The following ABCB11 variants were observed in gnomAD, a reference collection of about 807,000 sequenced individuals.
The protein encoded by ABCB11 is bile salt export pump.
Under a neutral mutation model 148.0 loss-of-function variants are expected in ABCB11, and 95 were observed. The observed-to-expected ratio is 0.64, with a 90% CI of 0.54 to 0.76. The LOEUF is 0.76. Among genes scored for constraint, ABCB11 ranks in the 30% least tolerant of loss-of-function variants. The pLI is 0.00. For missense variants in ABCB11, 1,523 were observed against 1,617.8 expected (o/e 0.94, Z 1.01); for synonymous variants, 591 against 555.4 (o/e 1.06, Z -0.90).
chr2:169,003,482 C>T (rs1370184367), intron 5 of ABCB11, among the ~76,000 whole-genome samples: 3 of 151,520 alleles, frequency 2.0e-5, no homozygotes, highest in African/African-American at 7.3e-5. Context: ...CTTATCCACT[C>T]GTTGATTGAT....
At chr2:168,996,100 AT>A (rs1261917128) in intron 6 of ABCB11, among the ~76,000 whole-genome samples, 1 of 151,746 alleles carries the variant, frequency 6.6e-6, no homozygotes, top group Non-Finnish European at 1.5e-5. Flanking sequence ...GAAGGAATTC[AT>A]TATTTTTCTA....
intron 18 of ABCB11, among the ~76,000 whole-genome samples, chr2:168,960,696 G>A (rs1256689168): frequency 6.6e-6 from 1 of 151,568 alleles, no homozygotes; most frequent in African/African-American, 2.4e-5. Context: ...CTTGAATGAT[G>A]CAAAAACTAG....
intron 5 of ABCB11, among the ~76,000 whole-genome samples, chr2:169,007,101 C>G (rs1695041688): frequency 6.6e-6 from 1 of 152,082 alleles, no homozygotes; most frequent in Admixed American, 6.6e-5. Flanking sequence ...GATTTCAAAA[C>G]TTACTATAAA....
In ABCB11 at chr2:168,921,538, A is replaced by G. The variant is rs1691073874; in HGVS notation, c.*2084T>C. Among the ~76,000 whole-genome samples, 1 of 152,184 alleles carries G rather than the reference A, an allele frequency of 6.6e-6. No individual in the cohort carries two copies. Among genetic ancestry groups the G allele is most frequent in the South Asian group, 2.1e-4 (1 of 4,832 alleles). ...CCTGTTTTTATTTAAATAGATGGAA[A>G]TATGTTCTCTTGACCCATTGAACAC... is the stretch of plus-strand genomic sequence containing the variant. On this transcript the variant is annotated 3_prime_UTR_variant, in exon 28 of 28. Transcript: ENST00000650372.
At chr2:168,997,815 C>T (rs1239544380) in intron 5 of ABCB11, among the ~76,000 whole-genome samples, 2 of 151,972 alleles carry the variant, frequency 1.3e-5, no homozygotes, top group Admixed American at 6.6e-5. Flanking sequence ...ATATTGAGTA[C>T]ATTTATGCTT....
intron 5 of ABCB11, among the ~76,000 whole-genome samples, chr2:169,012,978 A>T (rs1443208541): frequency 6.6e-6 from 1 of 152,046 alleles, no homozygotes; most frequent in African/African-American, 2.4e-5. Flanking sequence ...CTCCCTAGTG[A>T]CGTTAAGTAT....
At chr2:168,937,464 GT>G (rs1559185752) in intron 21 of ABCB11, among the ~76,000 whole-genome samples, 1 of 152,128 alleles carries the variant, frequency 6.6e-6, no homozygotes, top group South Asian at 2.1e-4. Flanking sequence ...CTCACATAAC[GT>G]ATCTGAAGGC....
downstream of ABCB11, among the ~76,000 whole-genome samples, chr2:168,920,375 CTAAATT>C (rs1172855628): frequency 5.8e-5 from 5 of 86,220 alleles, no homozygotes; most frequent in African/African-American, 3.4e-4. Flanking sequence ...TTAAAATAGT[CTAAATT>C]TATTTTTTTA....
In ABCB11 at chr2:168,922,430, T is replaced by C. The variant is rs576781706; in HGVS notation, c.*1192A>G. ...GCAATTCTGTTTCCATACAGGCTTT[T>C]GGTCCATTCTTCTGTCTTCAGTCCC... On this transcript the variant is annotated 3_prime_UTR_variant, in exon 28 of 28. Coordinates refer to ENST00000650372, the MANE Select transcript of ABCB11 (RefSeq NM_003742.4). Among the ~76,000 whole-genome samples the C allele has an allele frequency of 6.6e-6, 1 of 152,302 alleles. No individual in the cohort carries two copies. The highest frequency in any genetic ancestry group is 2.1e-4 in the South Asian group (1 of 4,822).
At chr2:169,030,029 C>T (rs1330760325) in intron 1 of ABCB11, among the ~76,000 whole-genome samples, 3 of 121,478 alleles carry the variant, frequency 2.5e-5, no homozygotes, top group Admixed American at 8.1e-5. Context: ...CGTGAGCCAC[C>T]GCGCCCGGCC....
intron 6 of ABCB11, among the ~76,000 whole-genome samples, chr2:168,996,161 T>G (rs2106015479): frequency 6.6e-6 from 1 of 152,132 alleles, no homozygotes; most frequent in African/African-American, 2.4e-5. Flanking sequence ...AAGAGTTAAG[T>G]ACCTCCAAGC....
At chr2:168,924,848 C>T (rs918298691) in intron 26 of ABCB11, 45 bp from the exon 27 acceptor site, 2 of 1,571,252 alleles carry the variant, frequency 1.3e-6, no homozygotes, top group Non-Finnish European at 1.7e-6. Flanking sequence ...ACAGTTATTG[C>T]TCCTGTGCTG....
chr2:168,991,300 A>G (rs1425354857), intron 8 of ABCB11, among the ~76,000 whole-genome samples: 1 of 152,130 alleles, frequency 6.6e-6, no homozygotes, highest in Admixed American at 6.6e-5. Context: ...AACGCCAGAG[A>G]CACATGCAGA....
At chr2:168,991,203 T>C (rs1206974817) in intron 8 of ABCB11, among the ~76,000 whole-genome samples, 1 of 152,154 alleles carries the variant, frequency 6.6e-6, no homozygotes, top group African/African-American at 2.4e-5. Context: ...ACTAAAGTGT[T>C]TCAGTCATTA....
chr2:168,987,864 T>C (rs1192356020), intron 9 of ABCB11, among the ~76,000 whole-genome samples: 5 of 152,212 alleles, frequency 3.3e-5, no homozygotes, highest in African/African-American at 4.8e-5. Flanking sequence ...TGGCATTTCT[T>C]TATTATTTTT....
rs748716950 is a variant in ABCB11 at position 168,972,057 on chromosome 2, AGCATGG to A, written c.1435-13_1435-8del. The A allele has an allele frequency of 2.9e-4, 470 of 1,611,340 alleles. 1 individual carries two copies. Among genetic ancestry groups the A allele is most frequent in the Non-Finnish European group, 3.8e-4 (448 of 1,178,432 alleles). ...CATGGCCATCCACGGTCACCTAGAG[AGCATGG>A]GCACAACATCACAACTTTTGGAATC... On this transcript the variant is annotated splice_region_variant and splice_polypyrimidine_tract_variant and intron_variant, in intron 13 of 27. Coordinates refer to ENST00000650372, the MANE Select transcript of ABCB11 (RefSeq NM_003742.4).
chr2:168,963,959 A>G (rs1280156575), intron 18 of ABCB11, among the ~76,000 whole-genome samples: 1 of 151,816 alleles, frequency 6.6e-6, no homozygotes, highest in African/African-American at 2.4e-5. Context: ...TGTCTAAGAC[A>G]ATTAACCCTC....
intron 21 of ABCB11, among the ~76,000 whole-genome samples, chr2:168,937,291 T>TG (rs1553548058): frequency 6.6e-6 from 1 of 152,222 alleles, no homozygotes; most frequent in Non-Finnish European, 1.5e-5. Flanking sequence ...TTTTGGCTAT[T>TG]GTGAATAATG....
chr2:168,944,949 G>T lies in ABCB11; in HGVS notation c.2356C>A (p.Pro786Thr). Residue 786 changes from proline to threonine, a missense_variant, in exon 20 of 28, where the codon CCT becomes ACT. Physicochemically the swap from Pro to Thr is conservative, Grantham distance 38 (BLOSUM62 -1). Transcript: ENST00000650372. ...TGTGACCTTTGTTCCTCTTTATCAG[G>T]AATTGAAAAAGTCTTGGAAAGATAG... ...FSQILGTFSI[P>T]DKEEQRSQIN... is the part of the protein sequence containing the mutation. 1 of 1,549,034 alleles carries T rather than the reference G, an allele frequency of 6.5e-7. No homozygotes were observed. The highest frequency in any genetic ancestry group is 1.4e-5 in the African/African-American group (1 of 72,954).
Sources: allele counts gnomAD v4.1 joint callset (sites outside exome capture counted in the v4.1 genomes callset), GRCh38; gene constraint gnomAD v4.1.1; transcripts MANE v1.5; gene names NCBI Gene and HGNC (gene_info 2026-07-23, HGNC 2026-07-21).